RTTN: variants seen among roughly 807,000 people sequenced by gnomAD.
The protein encoded by RTTN is rotatin.
Under a neutral mutation model 269.2 loss-of-function variants are expected in RTTN, and 182 were observed. The observed-to-expected ratio is 0.68, with a 90% CI of 0.60 to 0.76. The LOEUF is 0.76. Among genes scored for constraint, RTTN ranks in the 30% least tolerant of loss-of-function variants. RTTN has a pLI of 0.00. For synonymous variants in RTTN, 1,006 were observed against 963.5 expected (o/e 1.04, Z -0.82); for missense variants, 2,545 against 2,608.6 (o/e 0.98, Z 0.53).
intron 28 of RTTN, among the ~76,000 whole-genome samples, chr18:70,100,767 C>T (rs1420170175): frequency 2.0e-5 from 3 of 152,072 alleles, no homozygotes; most frequent in Non-Finnish European, 2.9e-5. Flanking sequence ...ACCTAATTTA[C>T]TGAGAGTTTT....
intron 44 of RTTN, among the ~76,000 whole-genome samples, chr18:70,021,795 T>A (rs889653444): frequency 2.0e-5 from 3 of 152,142 alleles, no homozygotes. Flanking sequence ...GGTGTCAGAT[T>A]ATTCAAAGGA....
chr18:70,084,681 C>T (rs574869735), intron 32 of RTTN, among the ~76,000 whole-genome samples: 6 of 150,986 alleles, frequency 4.0e-5, no homozygotes, highest in Non-Finnish European at 8.8e-5. Flanking sequence ...AAAAAGCATA[C>T]AAGATTGTCC....
At chr18:70,059,809 A>T in intron 36 of RTTN, 41 bp downstream of exon 36, 1 of 1,332,038 alleles carries the variant, frequency 7.5e-7, no homozygotes. Flanking sequence ...GTGTAAATTT[A>T]TCTCAACTAA....
intron 30 of RTTN, among the ~76,000 whole-genome samples, chr18:70,089,183 T>C (rs139295228): frequency 5.7e-4 from 87 of 152,326 alleles, no homozygotes; most frequent in African/African-American, 2.0e-3. Flanking sequence ...GAAGCCCTAA[T>C]CCCCAACCTG....
intron 10 of RTTN, among the ~76,000 whole-genome samples, chr18:70,187,618 C>G (rs1219291154): frequency 6.6e-6 from 1 of 152,110 alleles, no homozygotes; most frequent in Non-Finnish European, 1.5e-5. Flanking sequence ...TCAAAAAGAA[C>G]TGCCAGGAAA....
chr18:70,112,609 A>G (rs1263975827), intron 27 of RTTN, among the ~76,000 whole-genome samples: 1 of 152,186 alleles, frequency 6.6e-6, no homozygotes, highest in African/African-American at 2.4e-5. Context: ...TACAGCAAGA[A>G]GAGCTAACTA....
At chr18:70,143,469 A>T (rs1015885591) in intron 18 of RTTN, among the ~76,000 whole-genome samples, 2 of 152,204 alleles carry the variant, frequency 1.3e-5, no homozygotes, top group Non-Finnish European at 2.9e-5. Context: ...GCCGGAGGCC[A>T]TTATCCTTAG....
intron 28 of RTTN, among the ~76,000 whole-genome samples, 156 bp downstream of exon 28, chr18:70,109,342 T>TAA (rs2059401056): frequency 4.6e-5 from 7 of 152,222 alleles, no homozygotes; most frequent in Admixed American, 3.3e-4. Flanking sequence ...CTTACTTAAC[T>TAA]ATTAATAAAA....
chr18:70,039,231 A>T (rs2057267415), intron 40 of RTTN, among the ~76,000 whole-genome samples: 2 of 152,134 alleles, frequency 1.3e-5, no homozygotes, highest in Admixed American at 1.3e-4. Context: ...CACCAAGCAG[A>T]TTTAACCCAA....
At chr18:70,202,131 T>A in intron 3 of RTTN, 148 bp from the exon 4 acceptor site, 1 of 556,756 alleles carries the variant, frequency 1.8e-6, no homozygotes, top group Middle Eastern at 4.7e-4. Flanking sequence ...GAATGATCTA[T>A]CTTGCTAAAG....
intron 17 of RTTN, 24 bp downstream of exon 17, chr18:70,148,877 T>C: frequency 6.2e-7 from 1 of 1,611,346 alleles, no homozygotes; most frequent in Non-Finnish European, 8.5e-7. Context: ...ATCTTTGACG[T>C]TCACAAGATT....
At chr18:70,180,044 C>T (rs890946545) in intron 10 of RTTN, among the ~76,000 whole-genome samples, 1 of 152,104 alleles carries the variant, frequency 6.6e-6, no homozygotes, top group African/African-American at 2.4e-5. Flanking sequence ...TACTACCAGG[C>T]CTATCCTTTA....
At chr18:70,167,875 G>A (rs147470344) in intron 12 of RTTN, among the ~76,000 whole-genome samples, 30 of 152,158 alleles carry the variant, frequency 2.0e-4, no homozygotes, top group South Asian at 1.7e-3. Context: ...GGCCAGGCAC[G>A]GTGGCTAACA....
rs1208324808 is a variant in RTTN at position 70,199,502 on chromosome 18, T to G, written c.490A>C (p.Asn164His). The change falls in exon 5 of 49, where the codon AAT becomes CAT. Residue 164 changes from asparagine (N) to histidine (H), a missense_variant and splice_region_variant. Coordinates refer to ENST00000640769, the MANE Select transcript of RTTN (RefSeq NM_173630.4). ...AACTTCAAGCACTTCACAGTCTGAT[T>G]TACTGTCAGTGAAAGAGCAAATCTT... Reference protein sequence around the residue: ...QMEVPPRPVVNQTVKCLKFST... With the variant: ...QMEVPPRPVVHQTVKCLKFST... The G allele has an allele frequency of 6.2e-7, 1 of 1,603,890 alleles. No individual in the cohort carries two copies.
At chr18:70,088,944 CATTTA>C (rs1426781298) in intron 30 of RTTN, among the ~76,000 whole-genome samples, 5 of 152,084 alleles carry the variant, frequency 3.3e-5, no homozygotes, top group East Asian at 1.9e-4. Context: ...CAATTTTTTG[CATTTA>C]ATTTAATTTC....
At chr18:70,048,817 A>G (rs2144783842) in intron 39 of RTTN, among the ~76,000 whole-genome samples, 1 of 152,242 alleles carries the variant, frequency 6.6e-6, no homozygotes, top group Non-Finnish European at 1.5e-5. Context: ...AGTGACCACG[A>G]CATGTTTTAA....
At chr18:70,108,984 T>C (rs1022597455) in intron 28 of RTTN, among the ~76,000 whole-genome samples, 11 of 152,182 alleles carry the variant, frequency 7.2e-5, no homozygotes, top group Non-Finnish European at 1.6e-4. Context: ...TATTTACATA[T>C]TTCAATAACA....
chr18:70,176,252 TATATG>T (rs2061298476), intron 11 of RTTN, among the ~76,000 whole-genome samples: 1 of 144,312 alleles, frequency 6.9e-6, no homozygotes, highest in Admixed American at 6.8e-5. Context: ...TATGTATATG[TATATG>T]TATAGATAAC....
chr18:70,069,331 T>G (rs997124250), intron 34 of RTTN, among the ~76,000 whole-genome samples: 6 of 152,208 alleles, frequency 3.9e-5, no homozygotes, highest in Admixed American at 6.5e-5. Flanking sequence ...ACAATTTTAT[T>G]TGTCATTTTA....
Sources: allele counts gnomAD v4.1 joint callset (sites outside exome capture counted in the v4.1 genomes callset), GRCh38; gene constraint gnomAD v4.1.1; transcripts MANE v1.5; gene names NCBI Gene and HGNC (gene_info 2026-07-23, HGNC 2026-07-21).